ADAMTS2: variants seen among roughly 807,000 people sequenced by gnomAD.
The protein encoded by ADAMTS2 is ADAM metallopeptidase with thrombospondin type 1 motif 2.
Under a neutral mutation model 123.0 loss-of-function variants are expected in ADAMTS2, and 50 were observed. The ratio of observed to expected loss-of-function variants is 0.41; its 90% CI spans 0.32 to 0.51. The LOEUF is 0.51. Ranked by LOEUF, ADAMTS2 falls within the 20% of genes least tolerant of loss-of-function variation. ADAMTS2 has a pLI of 0.35. For missense variants in ADAMTS2, 1,494 were observed against 1,705.2 expected (o/e 0.88, Z 2.18); for synonymous variants, 678 against 695.4 (o/e 0.98, Z 0.39).
At position 179,206,229 on chromosome 5, in the gene ADAMTS2, A is replaced by G. The variant is rs1335618716; in HGVS notation, c.891+1284T>C. 4.6e-5 allele frequency among the ~76,000 whole-genome samples: 7 copies of G among 152,266 alleles called. No homozygotes were observed. In the East Asian group the frequency reaches 1.4e-3, roughly 29 times the overall value. On this transcript the variant is annotated intron_variant, in intron 4 of 21. Coordinates refer to ENST00000251582, the MANE Select transcript of ADAMTS2 (RefSeq NM_014244.5). ...GACTCACCCAAGACCGGTCAAGAGG[A>G]AAGTGAGCATGAAGGTGGTGTCTCT... is the stretch of plus-strand genomic sequence containing the variant.
chr5:179,227,843 C>G (rs1765322422), intron 3 of ADAMTS2, among the ~76,000 whole-genome samples: 1 of 151,944 alleles, frequency 6.6e-6, no homozygotes, highest in African/African-American at 2.4e-5. Context: ...CTAGAGGGGG[C>G]AGGGCAGCCC....
At chr5:179,154,287 C>T in intron 7 of ADAMTS2, 95 bp from the exon 8 acceptor site, 1 of 1,510,660 alleles carries the variant, frequency 6.6e-7, no homozygotes, top group Non-Finnish European at 8.9e-7. Flanking sequence ...CATCTTTCCC[C>T]AACGGGCCTC....
chr5:179,317,314 A>G lies in ADAMTS2; in HGVS notation c.534+26453T>C, dbSNP rs1016410383. 6.6e-6 allele frequency among the ~76,000 whole-genome samples: 1 copy of G among 152,210 alleles called. No homozygotes were observed. The highest frequency in any genetic ancestry group is 2.4e-5 in the African/African-American group (1 of 41,444). On this transcript the variant is annotated intron_variant, in intron 2 of 21. Coordinates refer to ENST00000251582, the MANE Select transcript of ADAMTS2 (RefSeq NM_014244.5). This position sits in a 1 kb window ranked among gnomAD's most constrained non-coding sequence, Gnocchi z 4.9. The stretch of plus-strand genomic sequence containing the variant: ...CCCTGAAGATGGACTCAGCTAGCAG[A>G]GTCGCTGATATGGTAACACAATATC...
chr5:179,204,927 G>T (rs1454145794), intron 4 of ADAMTS2, among the ~76,000 whole-genome samples: 3 of 152,216 alleles, frequency 2.0e-5, no homozygotes, highest in African/African-American at 4.8e-5. Context: ...GCTCACTTCT[G>T]TGCAACAGGG....
chr5:179,244,038 G>A (rs1163750849), intron 3 of ADAMTS2, among the ~76,000 whole-genome samples: 2 of 152,158 alleles, frequency 1.3e-5, no homozygotes, highest in African/African-American at 4.8e-5. Context: ...AAACCATAAA[G>A]GGCATGAACA....
Position 179,118,277 on chromosome 5 carries a change from C to T in ADAMTS2, c.3178+3384G>A, listed in dbSNP as rs1762698128. Reference sequence around the variant, plus strand: ...CATGACCAACTGATCTTAAAGATGCCCCAGGTTTGTACATTTTTAAGTATC... The same window carrying T: ...CATGACCAACTGATCTTAAAGATGCTCCAGGTTTGTACATTTTTAAGTATC... On this transcript the variant is annotated intron_variant, in intron 21 of 21. Transcript: ENST00000251582. This position sits in a 1 kb window ranked among gnomAD's most constrained non-coding sequence, Gnocchi z 4.5. Among the ~76,000 whole-genome samples, 1 of 151,766 alleles carries T rather than the reference C, an allele frequency of 6.6e-6. No homozygotes were observed. The highest frequency in any genetic ancestry group is 1.5e-5 in the Non-Finnish European group (1 of 67,988).
intron 2 of ADAMTS2, among the ~76,000 whole-genome samples, chr5:179,291,916 A>T (rs1756200146): frequency 6.6e-6 from 1 of 151,608 alleles, no homozygotes; most frequent in African/African-American, 2.4e-5. Flanking sequence ...TAAAAAAAAA[A>T]AAAAATTTGT....
chr5:179,152,315 C>A (rs1012472548), intron 9 of ADAMTS2, 60 bp from the exon 10 acceptor site: 7 of 1,511,722 alleles, frequency 4.6e-6, no homozygotes, highest in Non-Finnish European at 6.4e-6. Context: ...CCCAGGGATG[C>A]CACCCACCCC....
intron 3 of ADAMTS2, among the ~76,000 whole-genome samples, chr5:179,248,535 G>A (rs1248606189): frequency 6.6e-6 from 1 of 151,980 alleles, no homozygotes; most frequent in Non-Finnish European, 1.5e-5. Context: ...GTTTGAAAAT[G>A]AAAAGATGGA....
chr5:179,133,109 G>A (rs541976348), intron 13 of ADAMTS2, among the ~76,000 whole-genome samples: 21 of 151,922 alleles, frequency 1.4e-4, no homozygotes, highest in African/African-American at 4.8e-4. Flanking sequence ...TCAGTTAAAC[G>A]GACCTTGCCT....
intron 3 of ADAMTS2, among the ~76,000 whole-genome samples, chr5:179,258,986 TCTCTCCCTGCACACAGGACAGCAGC>T (rs1232219075): frequency 2.6e-5 from 4 of 152,206 alleles, no homozygotes; most frequent in Non-Finnish European, 4.4e-5. Context: ...CAGGCCGCAG[TCTCTCCCTGCACACAGGACAGCAGC>T]CTCCTGCCGG....
At chr5:179,315,202 C>T (rs990674343) in intron 2 of ADAMTS2, among the ~76,000 whole-genome samples, 1 of 62,330 alleles carries the variant, frequency 1.6e-5, no homozygotes, top group Non-Finnish European at 3.5e-5. Context: ...CCTCCCAAGA[C>T]ACGCGTCCAC....
rs978899318 is a variant in ADAMTS2 at position 179,129,078 on chromosome 5, G to T, written c.2457+854C>A. 2.6e-5 allele frequency among the ~76,000 whole-genome samples: 4 copies of T among 152,162 alleles called. No homozygotes were observed. Among genetic ancestry groups the T allele is most frequent in the African/African-American group, 9.7e-5 (4 of 41,438 alleles). On this transcript the variant is annotated intron_variant, in intron 16 of 21. Transcript: ENST00000251582. This position sits in a 1 kb window ranked among gnomAD's most constrained non-coding sequence, Gnocchi z 4.1. ...ACCACTCTGTGCGTGTCCGTTTGGG[G>T]CTCACGAATCAATTTTAGTGAGCAG...
At chr5:179,154,790 C>A in intron 7 of ADAMTS2, 24 bp downstream of exon 7, 1 of 1,580,016 alleles carries the variant, frequency 6.3e-7, no homozygotes, top group South Asian at 1.1e-5. Context: ...CCCTCTGTGC[C>A]CCACCCTTCC....
rs1487628331 is a variant in ADAMTS2 at position 179,308,240 on chromosome 5, C to T, written c.535-35176G>A. On this transcript the variant is annotated intron_variant, in intron 2 of 21. Coordinates refer to ENST00000251582, the MANE Select transcript of ADAMTS2 (RefSeq NM_014244.5). The surrounding 1 kb of genome is among the most constrained non-coding windows in gnomAD (Gnocchi z 6.6). ...TGCTCGGTGGAGGTGGGAAGACAGG[C>T]GCTGAGAGTTGTCTGACACAATTGT... is the stretch of plus-strand genomic sequence containing the variant. 6.6e-6 allele frequency among the ~76,000 whole-genome samples: 1 copy of T among 152,176 alleles called. No individual in the cohort carries two copies. The highest frequency in any genetic ancestry group is 1.5e-5 in the Non-Finnish European group (1 of 68,018).
At chr5:179,240,303 G>T (rs1217972726) in intron 3 of ADAMTS2, among the ~76,000 whole-genome samples, 1 of 152,152 alleles carries the variant, frequency 6.6e-6, no homozygotes, top group Admixed American at 6.5e-5. Flanking sequence ...CATGAAGTAG[G>T]TAGAAAGTTT....
chr5:179,115,706 GAAAGGGAGGGA>G lies in ADAMTS2; in HGVS notation c.3179-1393_3179-1383del, dbSNP rs1363544418. Among the ~76,000 whole-genome samples, 1 of 150,888 alleles carries G rather than the reference GAAAGGGAGGGA, an allele frequency of 6.6e-6. No individual in the cohort carries two copies. Among genetic ancestry groups the G allele is most frequent in the East Asian group, 1.9e-4 (1 of 5,164 alleles). ...AGAAAGGGAGGAGGAAAGGGAGGGA[GAAAGGGAGGGA>G]GAAAGGCTCAGGCATTGGATGGGAG... On this transcript the variant is annotated intron_variant, in intron 21 of 21. Coordinates refer to ENST00000251582, the MANE Select transcript of ADAMTS2 (RefSeq NM_014244.5). This position sits in a 1 kb window ranked among gnomAD's most constrained non-coding sequence, Gnocchi z 4.4.
intron 3 of ADAMTS2, among the ~76,000 whole-genome samples, chr5:179,233,417 A>T (rs965223396): frequency 1.3e-5 from 2 of 150,474 alleles, no homozygotes; most frequent in African/African-American, 4.9e-5. Context: ...ATGGTGGCTC[A>T]CGCCTGTAAT....
intron 3 of ADAMTS2, among the ~76,000 whole-genome samples, chr5:179,209,391 G>C (rs1764796132): frequency 6.6e-6 from 1 of 152,234 alleles, no homozygotes; most frequent in East Asian, 1.9e-4. Flanking sequence ...GAGGCGGAGG[G>C]TGAGGGCTGG....
Sources: allele counts gnomAD v4.1 joint callset (sites outside exome capture counted in the v4.1 genomes callset), GRCh38; gene constraint gnomAD v4.1.1; non-coding constraint Gnocchi (gnomAD v3.1); transcripts MANE v1.5; gene names NCBI Gene and HGNC (gene_info 2026-07-23, HGNC 2026-07-21).